Variants in GLI2 observed in about 807,000 individuals in gnomAD.
The protein encoded by GLI2 is transcription activator GLI2.
GLI2 carries 22 observed loss-of-function variants against 78.9 expected under a neutral mutation model. That is an observed-to-expected ratio of 0.28 (90% confidence interval 0.20 to 0.40). The LOEUF (loss-of-function observed/expected upper bound fraction) is 0.40, where lower values mean the gene tolerates loss of function less well. Among genes scored for constraint, GLI2 ranks in the 10% least tolerant of loss-of-function variants. GLI2 has a pLI of 1.00. For synonymous variants in GLI2, 974 were observed against 963.7 expected (o/e 1.01, Z -0.20); for missense variants, 2,097 against 2,213.2 (o/e 0.95, Z 1.05).
chr2:120,912,174 G>A (rs572742855), intron 2 of GLI2, among the ~76,000 whole-genome samples: 2 of 152,090 alleles, frequency 1.3e-5, no homozygotes, highest in South Asian at 2.1e-4. Context: ...GTATTTGGGA[G>A]TTTTCCCCTA....
intron 2 of GLI2, among the ~76,000 whole-genome samples, chr2:120,856,521 A>C (rs1369812027): frequency 6.6e-6 from 1 of 152,046 alleles, no homozygotes; most frequent in Non-Finnish European, 1.5e-5. Context: ...GGACCTGCCC[A>C]CCGCCCCGAT....
chr2:120,752,703 C>G (rs1169160623), intron 1 of GLI2, among the ~76,000 whole-genome samples: 1 of 152,182 alleles, frequency 6.6e-6, no homozygotes, highest in African/African-American at 2.4e-5. Flanking sequence ...CACCCAAAAC[C>G]TCTCAAGAAT....
At chr2:120,754,691 C>T (rs1682984729) in intron 1 of GLI2, among the ~76,000 whole-genome samples, 1 of 151,986 alleles carries the variant, frequency 6.6e-6, no homozygotes, top group Non-Finnish European at 1.5e-5. Flanking sequence ...AGGTTGTTTC[C>T]AGTTTTGGGC....
chr2:120,839,235 T>C lies in GLI2; in HGVS notation c.148+41767T>C, dbSNP rs115517246. 4.1e-3 allele frequency among the ~76,000 whole-genome samples: 624 copies of C among 152,384 alleles called. 4 individuals carry two copies. Among genetic ancestry groups the C allele is most frequent in the African/African-American group, 0.014 (591 of 41,588 alleles). On this transcript the variant is annotated intron_variant, in intron 2 of 13. Transcript: ENST00000361492. ...TTCATATTTGTATATGTCAACGATA[T>C]GTTAAGGATTGTTGTCAAATATTTG... is the stretch of plus-strand genomic sequence containing the variant.
intron 2 of GLI2, among the ~76,000 whole-genome samples, chr2:120,906,243 T>C (rs112996982): frequency 1.7e-3 from 255 of 152,232 alleles, no homozygotes; most frequent in African/African-American, 5.8e-3. Context: ...GGTGGCCACA[T>C]CCCTCGAGTG....
rs139620354 is a variant in GLI2, at chr2:120,989,199, C to A, written c.3234C>A (p.Asp1078Glu). Residue 1078 changes from aspartate to glutamate, a missense_variant, in exon 14 of 14, where the codon GAC becomes GAA. Physicochemically the swap from Asp to Glu is conservative, Grantham distance 45. This residue lies in a region of GLI2 where 1,290 missense variants were observed against 1,261.7 expected (regional missense o/e 1.02). Coordinates refer to ENST00000361492, the MANE Select transcript of GLI2 (RefSeq NM_001374353.1). ...VYPTESTGFS[D>E]NPRLPSPGLH... The stretch of plus-strand genomic sequence containing the variant: ...CCACGGAAAGCACTGGCTTCTCTGA[C>A]AACCCCAGACTACCCAGCCCGGGGC... 1.9e-6 allele frequency: 3 copies of A among 1,613,200 alleles called. No homozygotes were observed. Among genetic ancestry groups the A allele is most frequent in the Non-Finnish European group, 2.5e-6 (3 of 1,180,024 alleles).
intron 1 of GLI2, among the ~76,000 whole-genome samples, chr2:120,751,048 G>A (rs1404946483): frequency 3.3e-5 from 5 of 152,210 alleles, no homozygotes; most frequent in Non-Finnish European, 7.3e-5. Flanking sequence ...ACTGTTGCCG[G>A]TTGGAAAAGG....
At chr2:120,851,968 T>G (rs1315141815) in intron 2 of GLI2, among the ~76,000 whole-genome samples, 1 of 152,138 alleles carries the variant, frequency 6.6e-6, no homozygotes, top group Non-Finnish European at 1.5e-5. Flanking sequence ...ATACAAGCAG[T>G]GCCATCTGGT....
intron 1 of GLI2, among the ~76,000 whole-genome samples, chr2:120,786,550 C>T (rs1296102508): frequency 6.9e-6 from 1 of 144,158 alleles, no homozygotes; most frequent in African/African-American, 2.6e-5. Context: ...AAGAGATAAA[C>T]ACTTTTTTAT....
chr2:120,860,058 C>T (rs1053014416), intron 2 of GLI2, among the ~76,000 whole-genome samples: 2 of 152,196 alleles, frequency 1.3e-5, no homozygotes, highest in African/African-American at 4.8e-5. Flanking sequence ...CTGTCTGCTC[C>T]CCAGAGGTCA....
chr2:120,979,417 G>A (rs1053350502), intron 10 of GLI2, among the ~76,000 whole-genome samples: 8 of 152,202 alleles, frequency 5.3e-5, no homozygotes, highest in Non-Finnish European at 1.0e-4. Context: ...GGTTTCAGCT[G>A]TAGCTGAAAC....
At chr2:120,951,183 G>A (rs1680965402) in intron 3 of GLI2, 60 bp from the exon 4 acceptor site, 2 of 960,324 alleles carry the variant, frequency 2.1e-6, no homozygotes, top group Non-Finnish European at 3.4e-6. Context: ...TTGGTTTTGG[G>A]GTCTTGGTGG....
intron 2 of GLI2, among the ~76,000 whole-genome samples, chr2:120,817,020 G>C (rs1000990435): frequency 9.9e-5 from 15 of 152,188 alleles, no homozygotes; most frequent in African/African-American, 3.4e-4. Flanking sequence ...CAGTCATTCA[G>C]AATTAGAAGC....
At chr2:120,889,342 G>A (rs1276762206) in intron 2 of GLI2, among the ~76,000 whole-genome samples, 1 of 152,210 alleles carries the variant, frequency 6.6e-6, no homozygotes, top group East Asian at 1.9e-4. Context: ...AGTAAAGGTG[G>A]AGAAAGAATG....
intron 10 of GLI2, among the ~76,000 whole-genome samples, chr2:120,980,280 C>G (rs1682658197): frequency 6.6e-6 from 1 of 152,188 alleles, no homozygotes; most frequent in African/African-American, 2.4e-5. Context: ...TTCTCCAAAT[C>G]CTCACCAACA....
In GLI2 at chr2:120,982,290, T is replaced by C. The variant is rs1247107046; in HGVS notation, c.1468-426T>C. Reference sequence around the variant, plus strand: ...GGACTGAATTTTATTCTCAGCATGTTTTAGAGCACAGGACAATTCTAACCG... The same window carrying C: ...GGACTGAATTTTATTCTCAGCATGTCTTAGAGCACAGGACAATTCTAACCG... On this transcript the variant is annotated intron_variant, in intron 10 of 13. Coordinates refer to ENST00000361492, the MANE Select transcript of GLI2 (RefSeq NM_001374353.1). Among the ~76,000 whole-genome samples the C allele has an allele frequency of 2.6e-5, 4 of 152,188 alleles. No homozygotes were observed. In the East Asian group the frequency reaches 7.7e-4, roughly 29 times the overall value.
chr2:120,988,124 C>T, intron 13 of GLI2, 84 bp from the exon 14 acceptor site: 1 of 1,232,646 alleles, frequency 8.1e-7, no homozygotes, highest in Non-Finnish European at 1.1e-6. Flanking sequence ...TCTCGGGCTC[C>T]AGGCCCAGTG....
At chr2:120,974,665 C>T (rs547477159) in intron 8 of GLI2, among the ~76,000 whole-genome samples, 4 of 152,282 alleles carry the variant, frequency 2.6e-5, no homozygotes, top group South Asian at 4.1e-4. Context: ...CACAGCACTT[C>T]GATGAAGACA....
intron 1 of GLI2, among the ~76,000 whole-genome samples, chr2:120,742,337 C>T (rs767716926): frequency 1.2e-4 from 18 of 152,176 alleles, no homozygotes; most frequent in Non-Finnish European, 2.6e-4. Context: ...TCCAAGATAG[C>T]CCCTTCAGCA....
Sources: allele counts gnomAD v4.1 joint callset (sites outside exome capture counted in the v4.1 genomes callset), GRCh38; gene constraint gnomAD v4.1.1; regional missense constraint gnomAD v4.1.1; transcripts MANE v1.5; gene names NCBI Gene and HGNC (gene_info 2026-07-23, HGNC 2026-07-21).